Variants in AFF1 observed in about 807,000 individuals in gnomAD.
AFF1 encodes ALF transcription elongation factor 1.
AFF1 carries 48 observed loss-of-function variants against 121.7 expected under a neutral mutation model. The ratio of observed to expected loss-of-function variants is 0.39; its 90% CI spans 0.31 to 0.50. The LOEUF (loss-of-function observed/expected upper bound fraction) is 0.50, where lower values mean the gene tolerates loss of function less well. Among genes scored for constraint, AFF1 ranks in the 20% least tolerant of loss-of-function variants. The probability of loss-of-function intolerance (pLI) is 0.76; values close to 1 mark genes in which losing one functional copy is unlikely to be tolerated. For synonymous variants in AFF1, 613 were observed against 563.0 expected (o/e 1.09, Z -1.26); for missense variants, 1,523 against 1,511.7 (o/e 1.01, Z -0.12).
chr4:87,007,901 G>A (rs1726328911), intron 2 of AFF1, among the ~76,000 whole-genome samples: 1 of 152,158 alleles, frequency 6.6e-6, no homozygotes, highest in South Asian at 2.1e-4. Flanking sequence ...TAGAATGTAC[G>A]ATTCCACATA....
chr4:86,963,626 A>G (rs1382847892), intron 2 of AFF1, among the ~76,000 whole-genome samples: 1 of 152,198 alleles, frequency 6.6e-6, no homozygotes, highest in African/African-American at 2.4e-5. Context: ...TCAGGCAGAT[A>G]GTTCCATTTG....
intron 4 of AFF1, among the ~76,000 whole-genome samples, chr4:87,057,875 C>T (rs1450506259): frequency 6.6e-6 from 1 of 152,064 alleles, no homozygotes; most frequent in Non-Finnish European, 1.5e-5. Flanking sequence ...GTGTTAAACC[C>T]CCACCGCTGT....
chr4:86,971,327 C>G (rs1215128349), intron 2 of AFF1, among the ~76,000 whole-genome samples: 1 of 152,168 alleles, frequency 6.6e-6, no homozygotes, highest in African/African-American at 2.4e-5. Context: ...ATAGCTAGGT[C>G]TCTGATCAGT....
chr4:87,082,208 G>T (rs145932300), intron 4 of AFF1, among the ~76,000 whole-genome samples: 1 of 152,040 alleles, frequency 6.6e-6, no homozygotes, highest in Admixed American at 6.5e-5. Flanking sequence ...ATTCACCTTC[G>T]ACTTTTAATT....
intron 4 of AFF1, among the ~76,000 whole-genome samples, chr4:87,066,698 G>T (rs1423131414): frequency 6.6e-6 from 1 of 152,152 alleles, no homozygotes; most frequent in Non-Finnish European, 1.5e-5. Context: ...CACAGGGAAA[G>T]GTTTTTTGTT....
At chr4:86,947,589 AAAAC>A (rs540209376) in intron 1 of AFF1, among the ~76,000 whole-genome samples, 3 of 152,342 alleles carry the variant, frequency 2.0e-5, no homozygotes, top group South Asian at 4.1e-4. Flanking sequence ...TTTGAAAAGT[AAAAC>A]AAACTATTTA....
intron 2 of AFF1, among the ~76,000 whole-genome samples, chr4:87,035,189 A>G (rs1358549772): frequency 6.6e-6 from 1 of 152,118 alleles, no homozygotes; most frequent in Non-Finnish European, 1.5e-5. Context: ...TTGTGCTTGA[A>G]GGGTAGAAAG....
intron 2 of AFF1, among the ~76,000 whole-genome samples, chr4:86,988,977 T>C (rs1374713191): frequency 6.6e-6 from 1 of 152,182 alleles, no homozygotes; most frequent in Non-Finnish European, 1.5e-5. Context: ...GAAAACTGGC[T>C]AGCCATATGC....
intron 1 of AFF1, among the ~76,000 whole-genome samples, chr4:86,937,421 T>C (rs1243616998): frequency 6.6e-6 from 1 of 152,238 alleles, no homozygotes; most frequent in African/African-American, 2.4e-5. Flanking sequence ...AAACTAGCTG[T>C]CTCTTCTGTT....
At chr4:87,106,298 G>T (rs150026005) in intron 10 of AFF1, among the ~76,000 whole-genome samples, 2 of 152,188 alleles carry the variant, frequency 1.3e-5, no homozygotes, top group African/African-American at 4.8e-5. Flanking sequence ...CAGGAGAATC[G>T]CTTGAACCCA....
Position 87,105,651 on chromosome 4 carries a change from T to C in AFF1, c.1307T>C (p.Leu436Pro). Reference sequence around the variant, plus strand: ...AGCATGCTCGAAGACGACCTTCAGCTCAGTGACAGTGAGGACAGTGACAGT... The same window carrying C: ...AGCATGCTCGAAGACGACCTTCAGCCCAGTGACAGTGAGGACAGTGACAGT... The part of the protein sequence containing the change: ...TSSMLEDDLQ[L>P]SDSEDSDSEQ... Residue 436 changes from leucine to proline, a missense_variant, in exon 9 of 21, where the codon CTC becomes CCC. By Grantham distance (98) the Leu-to-Pro change is moderately conservative. Coordinates refer to ENST00000395146, the MANE Select transcript of AFF1 (RefSeq NM_001166693.3). 2 of 1,614,246 alleles carry C rather than the reference T, an allele frequency of 1.2e-6. No individual in the cohort carries two copies. Among genetic ancestry groups the C allele is most frequent in the Non-Finnish European group, 1.7e-6 (2 of 1,180,044 alleles).
intron 10 of AFF1, among the ~76,000 whole-genome samples, chr4:87,107,400 A>AT (rs1029000068): frequency 1.3e-5 from 2 of 152,180 alleles, no homozygotes; most frequent in African/African-American, 4.8e-5. Flanking sequence ...ACTTAGATTT[A>AT]TTGCCCCATT....
At chr4:87,113,316 C>T (rs1488266733) in intron 11 of AFF1, among the ~76,000 whole-genome samples, 1 of 151,966 alleles carries the variant, frequency 6.6e-6, no homozygotes, top group Non-Finnish European at 1.5e-5. Flanking sequence ...CAATGTGTCA[C>T]TCTGTCACCT....
chr4:87,114,843 G>GC lies in AFF1; in HGVS notation c.2016dup (p.Ser673LeufsTer3), dbSNP rs1726923236. 1.2e-6 allele frequency: 2 copies of GC among 1,613,702 alleles called. No individual in the cohort carries two copies. The highest frequency in any genetic ancestry group is 1.7e-5 in the Admixed American group (1 of 59,950). On this transcript the variant is annotated frameshift_variant, in exon 12 of 21. Transcript: ENST00000395146. LOFTEE classifies it high-confidence loss of function. ...CAAGCAACGAACCCAAGCCAGCAGT[G>GC]CCCCCCTCCAGTGAGAAGAAGAAGC...
At chr4:86,947,425 A>G (rs746213113) in intron 1 of AFF1, among the ~76,000 whole-genome samples, 22 of 152,228 alleles carry the variant, frequency 1.4e-4, no homozygotes, top group Non-Finnish European at 2.8e-4. Context: ...GACTATATTC[A>G]GTGTTTCAAC....
intron 11 of AFF1, among the ~76,000 whole-genome samples, chr4:87,108,815 A>T (rs1231529698): frequency 6.6e-6 from 1 of 152,212 alleles, no homozygotes; most frequent in Non-Finnish European, 1.5e-5. Context: ...CATGCATTAA[A>T]TTGATGGCAA....
chr4:86,946,453 AC>A (rs1720867272), intron 1 of AFF1, among the ~76,000 whole-genome samples: 1 of 36,670 alleles, frequency 2.7e-5, no homozygotes, highest in African/African-American at 9.9e-5. Flanking sequence ...CATCACCCCC[AC>A]CCCCCACCCA....
At chr4:86,989,733 A>G (rs888696000) in intron 2 of AFF1, among the ~76,000 whole-genome samples, 1 of 152,194 alleles carries the variant, frequency 6.6e-6, no homozygotes, top group Non-Finnish European at 1.5e-5. Flanking sequence ...ACACATATGC[A>G]TACTGCAGCA....
At chr4:86,984,385 T>C (rs1724041879) in intron 2 of AFF1, among the ~76,000 whole-genome samples, 3 of 150,326 alleles carry the variant, frequency 2.0e-5, no homozygotes, top group Admixed American at 1.3e-4. Context: ...TGAGGTGCAG[T>C]GGTGCAATCT....
Sources: allele counts gnomAD v4.1 joint callset (sites outside exome capture counted in the v4.1 genomes callset), GRCh38; gene constraint gnomAD v4.1.1; transcripts MANE v1.5; gene names NCBI Gene and HGNC (gene_info 2026-07-23, HGNC 2026-07-21).